Variants in ZNF124 observed in about 807,000 individuals in gnomAD.
The protein encoded by ZNF124 is zinc finger protein 124, also known as zinc finger protein HZF-16.
A neutral mutation model predicts 26.6 loss-of-function variants in ZNF124; 25 were observed. The ratio of observed to expected loss-of-function variants is 0.94; its 90% CI spans 0.68 to 1.31. The LOEUF is 1.31. Among genes scored for constraint, ZNF124 ranks in the 40% most tolerant of loss-of-function variants. The pLI, the probability that ZNF124 is intolerant of heterozygous loss-of-function variation, is 0.00. For missense variants in ZNF124, 444 were observed against 422.2 expected, an observed-to-expected ratio of 1.05 and a Z score of -0.45; for synonymous variants, 129 against 133.3, an observed-to-expected ratio of 0.97 and a Z score of 0.22.
intron 3 of ZNF124, among the ~76,000 whole-genome samples, chr1:247,126,418 G>C (rs980510939): frequency 2.6e-5 from 1 of 38,306 alleles, no homozygotes; most frequent in African/African-American, 1.2e-4. Flanking sequence ...CGGCTTCCGG[G>C]TGTGCCCGGC....
intron 3 of ZNF124, among the ~76,000 whole-genome samples, chr1:247,158,638 T>G (rs908253058): frequency 1.3e-5 from 2 of 152,060 alleles, no homozygotes; most frequent in African/African-American, 2.4e-5. Context: ...TTGGTTTTTT[T>G]TTTTCCCCGA....
chr1:247,162,561 A>G (rs1023260479), intron 1 of ZNF124, among the ~76,000 whole-genome samples: 2 of 151,072 alleles, frequency 1.3e-5, no homozygotes, highest in African/African-American at 4.9e-5. Flanking sequence ...CTAACAACAC[A>G]TTAAGCAATG....
chr1:247,141,727 G>C (rs1390592948), intron 3 of ZNF124, among the ~76,000 whole-genome samples: 3 of 152,128 alleles, frequency 2.0e-5, no homozygotes, highest in Non-Finnish European at 4.4e-5. Context: ...GCAAAACTGA[G>C]AAGACCTGTG....
At chr1:247,143,570 C>T (rs944522525) in intron 3 of ZNF124, among the ~76,000 whole-genome samples, 1 of 152,222 alleles carries the variant, frequency 6.6e-6, no homozygotes, top group Admixed American at 6.5e-5. Context: ...GAACTGGGAA[C>T]CCTACCCTGT....
At chr1:247,143,077 TCTC>T (rs1468040618) in intron 3 of ZNF124, among the ~76,000 whole-genome samples, 1 of 152,180 alleles carries the variant, frequency 6.6e-6, no homozygotes, top group African/African-American at 2.4e-5. Context: ...AGAGCTATTT[TCTC>T]CTCACTTCTA....
rs746309323 is a variant in ZNF124, at chr1:247,156,606, GT to G, written c.1015del (p.Thr339LeufsTer31). ...RASTLWKHKK[T>X]HTGEKPYKCK... ...TTTATAGGGCTTTTCTCCAGTATGA[GT>G]TTTTTTATGCTTCCAAAGGGTACTA... is the stretch of plus-strand genomic sequence containing the variant. On this transcript the variant is annotated frameshift_variant, in exon 4 of 4. Coordinates refer to ENST00000543802, the MANE Select transcript of ZNF124 (RefSeq NM_001297568.2). LOFTEE classifies it high-confidence loss of function. The G allele has an allele frequency of 1.2e-5, 18 of 1,561,824 alleles. No homozygotes were observed. Among genetic ancestry groups the G allele is most frequent in the Non-Finnish European group, 1.5e-5 (18 of 1,161,514 alleles).
rs1250532026 is a variant in ZNF124, at chr1:247,145,085, T to A, written c.218+13921A>T. ...CACTGCGCCTGGCCAGTGAGATGCA[T>A]CTTTTCAGGTAGTCAGTGTGGAATC... On this transcript the variant is annotated intron_variant, in intron 3 of 3. Transcript: ENST00000472531. Among the ~76,000 whole-genome samples, 2 of 152,140 alleles carry A rather than the reference T, an allele frequency of 1.3e-5. 1 individual carries two copies. The highest frequency in any genetic ancestry group is 4.8e-5 in the African/African-American group (2 of 41,434).
chr1:247,167,287 A>G (rs1000819173), intron 1 of ZNF124, among the ~76,000 whole-genome samples: 1 of 152,200 alleles, frequency 6.6e-6, no homozygotes, highest in Non-Finnish European at 1.5e-5. Context: ...TCCTGGCCAC[A>G]GTGATCGGGC....
At chr1:247,143,158 C>A (rs1672671307) in intron 3 of ZNF124, among the ~76,000 whole-genome samples, 1 of 152,086 alleles carries the variant, frequency 6.6e-6, no homozygotes, top group South Asian at 2.1e-4. Context: ...GTTTATAATT[C>A]CAGTAAATGG....
intron 3 of ZNF124, among the ~76,000 whole-genome samples, chr1:247,129,992 C>G (rs957236301): frequency 2.8e-5 from 4 of 141,022 alleles, no homozygotes; most frequent in Admixed American, 2.0e-4. Context: ...AGTACTTCCC[C>G]GAGCAGGATG....
intron 3 of ZNF124, among the ~76,000 whole-genome samples, chr1:247,148,317 T>C (rs1381156772): frequency 2.0e-5 from 3 of 152,234 alleles, no homozygotes; most frequent in African/African-American, 7.2e-5. Flanking sequence ...GCCAGGTCTG[T>C]GAAGAATCTT....
chr1:247,160,185 C>T (rs559666758), intron 1 of ZNF124, among the ~76,000 whole-genome samples: 112 of 152,182 alleles, frequency 7.4e-4, no homozygotes, highest in African/African-American at 2.6e-3. Flanking sequence ...AGGATTTCAC[C>T]ATGTTGGCCA....
intron 3 of ZNF124, chr1:247,138,399 T>C: frequency 5.6e-6 from 1 of 179,326 alleles, no homozygotes; most frequent in Non-Finnish European, 1.0e-5. Flanking sequence ...TTCTCACTCA[T>C]AAGTGAGAGC....
In ZNF124 at chr1:247,159,780, A is replaced by C; in HGVS notation, c.64T>G (p.Phe22Val). ...AACAAAGCCCACTCCTCCTGGGTGA[A>C]GTTCACAGCCACATCCTCAAAGGCA... is the stretch of plus-strand genomic sequence containing the variant. Reference protein sequence around the residue: ...SVAFEDVAVNFTQEEWALLDP... With the variant: ...SVAFEDVAVNVTQEEWALLDP... The change falls in exon 2 of 4, where the codon TTC becomes GTC. Residue 22 changes from phenylalanine to valine, a missense_variant. Phe to Val is a conservative substitution (Grantham distance 50). Transcript: ENST00000543802. 5 of 1,613,756 alleles carry C rather than the reference A, an allele frequency of 3.1e-6. No individual in the cohort carries two copies. The highest frequency in any genetic ancestry group is 4.2e-6 in the Non-Finnish European group (5 of 1,179,914).
intron 3 of ZNF124, among the ~76,000 whole-genome samples, chr1:247,133,623 G>A (rs1672418045): frequency 6.6e-6 from 1 of 151,916 alleles, no homozygotes; most frequent in Non-Finnish European, 1.5e-5. Flanking sequence ...GAAGAGATAG[G>A]GAGCCAATAT....
chr1:247,167,435 T>C (rs1252022600), intron 1 of ZNF124, among the ~76,000 whole-genome samples: 1 of 152,240 alleles, frequency 6.6e-6, no homozygotes, highest in Non-Finnish European at 1.5e-5. Flanking sequence ...TTCACCAATT[T>C]ATGTACCACA....
chr1:247,136,111 C>G (rs1672477397), intron 3 of ZNF124, among the ~76,000 whole-genome samples: 1 of 152,132 alleles, frequency 6.6e-6, no homozygotes, highest in Non-Finnish European at 1.5e-5. Context: ...CCTTTGGAAA[C>G]TGGTATAAGA....
chr1:247,125,674 C>CCT (rs1402772635), intron 3 of ZNF124, among the ~76,000 whole-genome samples: 5 of 151,150 alleles, frequency 3.3e-5, no homozygotes, highest in Non-Finnish European at 5.9e-5. Context: ...TCGTGATCGG[C>CCT]GCCGGCGCCG....
intron 3 of ZNF124, among the ~76,000 whole-genome samples, chr1:247,157,978 G>A (rs1455920738): frequency 2.6e-5 from 4 of 151,878 alleles, no homozygotes; most frequent in Admixed American, 6.6e-5. Context: ...GGTCGGGCAT[G>A]GTGGCTCACG....
Sources: gnomAD v4.1 joint callset for allele counts (sites outside exome capture counted in the v4.1 genomes callset) on GRCh38, gnomAD v4.1.1 for gene constraint, MANE v1.5 for transcripts, NCBI Gene and HGNC (gene_info 2026-07-23, HGNC 2026-07-21) for gene names.